ARHGAP20: variants seen among roughly 807,000 people sequenced by gnomAD.
ARHGAP20 encodes the protein Rho GTPase activating protein 20.
ARHGAP20 carries 34 observed loss-of-function variants against 73.7 expected under a neutral mutation model. The ratio of observed to expected loss-of-function variants is 0.46; its 90% CI spans 0.35 to 0.61. ARHGAP20 has a LOEUF of 0.61. Ranked by LOEUF, ARHGAP20 falls within the 20% of genes least tolerant of loss-of-function variation. The probability of loss-of-function intolerance (pLI) is 0.00; values close to 1 mark genes in which losing one functional copy is unlikely to be tolerated. For synonymous variants in ARHGAP20, 523 were observed against 518.2 expected, an observed-to-expected ratio of 1.01 and a Z score of -0.13; for missense variants, 1,314 against 1,420.9, an observed-to-expected ratio of 0.92 and a Z score of 1.21.
intron 2 of ARHGAP20, among the ~76,000 whole-genome samples, chr11:110,643,998 T>C (rs1949130684): frequency 6.6e-6 from 1 of 152,120 alleles, no homozygotes; most frequent in African/African-American, 2.4e-5. Context: ...TTTATCATTA[T>C]AGCATTTCTA....
At chr11:110,652,912 A>T (rs1949387336) in intron 2 of ARHGAP20, among the ~76,000 whole-genome samples, 2 of 152,202 alleles carry the variant, frequency 1.3e-5, no homozygotes, top group East Asian at 3.9e-4. Flanking sequence ...CAGAAATAAG[A>T]CTACACATCT....
chr11:110,677,387 C>G (rs66497239), intron 2 of ARHGAP20, among the ~76,000 whole-genome samples: 8,407 of 152,224 alleles, frequency 0.055, 272 homozygotes, highest in Middle Eastern at 0.099. Context: ...GACATTGTGA[C>G]CCATTCCTGT....
At chr11:110,711,874 A>T in intron 1 of ARHGAP20, 1 of 1,313,382 alleles carries the variant, frequency 7.6e-7, no homozygotes, top group Non-Finnish European at 9.7e-7. Context: ...GACGGGAGGG[A>T]GGCTGCGAGG....
At position 110,606,539 on chromosome 11, in the gene ARHGAP20, AC is replaced by A; in HGVS notation, c.964+21del. 3 of 1,594,272 alleles carry A rather than the reference AC, an allele frequency of 1.9e-6. No individual in the cohort carries two copies. The East Asian group carries it at 6.9e-5, about 36-fold the overall frequency. On this transcript the variant is annotated intron_variant, in intron 9 of 14. Coordinates refer to ENST00000683387, the MANE Select transcript of ARHGAP20 (RefSeq NM_001384657.1). ...ACTAAATTTATGTTCAAGAACGAAA[AC>A]TTTTGCTAGAAGCAACTCACCACTC...
chr11:110,704,242 C>A (rs984654962), intron 1 of ARHGAP20, among the ~76,000 whole-genome samples: 2 of 152,156 alleles, frequency 1.3e-5, no homozygotes, highest in African/African-American at 4.8e-5. Flanking sequence ...TAAAAACATT[C>A]TCCTAGGTGT....
At chr11:110,696,060 C>A (rs1950329709) in intron 1 of ARHGAP20, among the ~76,000 whole-genome samples, 1 of 151,432 alleles carries the variant, frequency 6.6e-6, no homozygotes, top group South Asian at 2.1e-4. Context: ...TTGAAAGAAA[C>A]CATTACAAAA....
chr11:110,659,546 C>T (rs1351727925), intron 2 of ARHGAP20, among the ~76,000 whole-genome samples: 4 of 151,758 alleles, frequency 2.6e-5, no homozygotes, highest in African/African-American at 9.7e-5. Flanking sequence ...TTTTGCTGTG[C>T]AGAAGCTCTT....
chr11:110,680,477 T>C (rs905002120), intron 2 of ARHGAP20, among the ~76,000 whole-genome samples: 2 of 152,110 alleles, frequency 1.3e-5, no homozygotes, highest in South Asian at 4.1e-4. Context: ...TAGTTCAATA[T>C]AGTAAGGATG....
intron 9 of ARHGAP20, among the ~76,000 whole-genome samples, chr11:110,595,297 A>G (rs2134840307): frequency 6.6e-6 from 1 of 152,338 alleles, no homozygotes; most frequent in Non-Finnish European, 1.5e-5. Context: ...GGCCAGGGCA[A>G]TCAGGCAGGA....
intron 1 of ARHGAP20, chr11:110,711,852 G>A: frequency 7.6e-7 from 1 of 1,317,478 alleles, no homozygotes; most frequent in Middle Eastern, 2.8e-4. Context: ...TGCAGAACCG[G>A]CGGCGGATGG....
At chr11:110,611,638 A>T (rs764899968) in intron 6 of ARHGAP20, among the ~76,000 whole-genome samples, 4 of 152,242 alleles carry the variant, frequency 2.6e-5, no homozygotes, top group Admixed American at 6.5e-5. Context: ...TAAGCAAATA[A>T]GAAAGACTAA....
intron 2 of ARHGAP20, among the ~76,000 whole-genome samples, chr11:110,660,275 C>T (rs1949578852): frequency 6.6e-6 from 1 of 152,114 alleles, no homozygotes; most frequent in South Asian, 2.1e-4. Context: ...CTTTGAGGAT[C>T]ACTACCCTAG....
intron 3 of ARHGAP20, among the ~76,000 whole-genome samples, chr11:110,627,119 GC>G (rs1283825604): frequency 6.6e-6 from 1 of 151,804 alleles, no homozygotes; most frequent in Non-Finnish European, 1.5e-5. Context: ...ACAGAGTTTC[GC>G]TCTTGTCACC....
At chr11:110,592,450 T>C (rs1372085445) in intron 9 of ARHGAP20, among the ~76,000 whole-genome samples, 2 of 152,220 alleles carry the variant, frequency 1.3e-5, no homozygotes, top group Non-Finnish European at 2.9e-5. Flanking sequence ...GGTGAAAGAC[T>C]CCCTTATTGA....
Position 110,589,653 on chromosome 11 carries a change from T to C in ARHGAP20, c.1305+995A>G, listed in dbSNP as rs77336732. 7.6e-4 allele frequency: 747 copies of C among 985,430 alleles called. 7 individuals carry two copies. In the East Asian group the frequency reaches 0.021, roughly 28 times the overall value. The allele number at this position is 985,430 out of a possible 1,614,324, so 61.0% of individuals were successfully genotyped here. On this transcript the variant is annotated intron_variant, in intron 11 of 14. Transcript: ENST00000683387. ...TTGACTGTAGGTGTTTCCAAAAATG[T>C]AGAGCATTTCCAAGAATGTGGGGGC...
intron 2 of ARHGAP20, among the ~76,000 whole-genome samples, chr11:110,663,429 G>C (rs976747160): frequency 1.3e-5 from 2 of 150,980 alleles, no homozygotes; most frequent in Non-Finnish European, 3.0e-5. Flanking sequence ...TGCTACAGAT[G>C]CTACACAGGT....
At chr11:110,583,998 TA>T (rs1010349831) in intron 12 of ARHGAP20, among the ~76,000 whole-genome samples, 2 of 152,046 alleles carry the variant, frequency 1.3e-5, no homozygotes, top group East Asian at 1.9e-4. Context: ...AATATTTCAT[TA>T]AAAAAAATGC....
intron 2 of ARHGAP20, among the ~76,000 whole-genome samples, chr11:110,644,619 G>A (rs999426244): frequency 5.3e-5 from 8 of 152,046 alleles, no homozygotes; most frequent in South Asian, 2.1e-4. Flanking sequence ...AACTGGATCC[G>A]TATCTATCTC....
At chr11:110,661,119 T>C (rs1949601303) in intron 2 of ARHGAP20, among the ~76,000 whole-genome samples, 2 of 152,178 alleles carry the variant, frequency 1.3e-5, no homozygotes, top group Non-Finnish European at 2.9e-5. Context: ...GGTTAAAAAA[T>C]AAAAAGCTAT....
Sources: gnomAD v4.1 joint callset for allele counts (sites outside exome capture counted in the v4.1 genomes callset) on GRCh38, gnomAD v4.1.1 for gene constraint, MANE v1.5 for transcripts, NCBI Gene and HGNC (gene_info 2026-07-23, HGNC 2026-07-21) for gene names.